Variants in ITGA8 observed in about 807,000 individuals in gnomAD.
The protein encoded by ITGA8 is integrin subunit alpha 8, also known as integrin alpha-8.
ITGA8 carries 91 observed loss-of-function variants against 142.3 expected under a neutral mutation model. The observed-to-expected ratio is 0.64, with a 90% CI of 0.54 to 0.76. The LOEUF (loss-of-function observed/expected upper bound fraction) is 0.76. Among genes scored for constraint, ITGA8 ranks in the 30% least tolerant of loss-of-function variants. ITGA8 has a pLI of 0.00. For synonymous variants in ITGA8, 505 were observed against 485.2 expected (o/e 1.04, Z -0.54); for missense variants, 1,406 against 1,327.7 (o/e 1.06, Z -0.92).
At chr10:15,602,205 CA>C (rs1299355409) in intron 20 of ITGA8, among the ~76,000 whole-genome samples, 1 of 152,170 alleles carries the variant, frequency 6.6e-6, no homozygotes, top group Non-Finnish European at 1.5e-5. Flanking sequence ...ATATTAAAAA[CA>C]AAACATACTC....
At chr10:15,627,243 T>C (rs564415014) in intron 13 of ITGA8, among the ~76,000 whole-genome samples, 2 of 152,334 alleles carry the variant, frequency 1.3e-5, no homozygotes, top group East Asian at 1.9e-4. Context: ...GATAAGATCC[T>C]TCTCTTTCAC....
intron 2 of ITGA8, among the ~76,000 whole-genome samples, chr10:15,700,590 T>C (rs570650026): frequency 3.3e-5 from 5 of 152,162 alleles, no homozygotes; most frequent in Non-Finnish European, 2.9e-5. Flanking sequence ...ACTGAAAAGC[T>C]TCTGCACAGC....
chr10:15,583,822 A>C (rs190477608), intron 23 of ITGA8, among the ~76,000 whole-genome samples: 1 of 152,282 alleles, frequency 6.6e-6, no homozygotes, highest in Admixed American at 6.5e-5. Flanking sequence ...AAAAAGGATG[A>C]ATTTTACTTT....
At chr10:15,611,791 CTT>C (rs779218120) in intron 15 of ITGA8, among the ~76,000 whole-genome samples, 2 of 126,778 alleles carry the variant, frequency 1.6e-5, no homozygotes, top group Non-Finnish European at 3.3e-5. Context: ...AAACAGAACT[CTT>C]AATCTGGTTA....
intron 13 of ITGA8, among the ~76,000 whole-genome samples, chr10:15,633,574 C>T (rs1271244626): frequency 6.6e-6 from 1 of 152,066 alleles, no homozygotes; most frequent in Non-Finnish European, 1.5e-5. Flanking sequence ...TGCGCACCTC[C>T]ACACCTGGCT....
rs1833962033 is a variant in ITGA8 at position 15,560,867 on chromosome 10, T to TATGATA, written c.2638-2671_2638-2666dup. The stretch of plus-strand genomic sequence containing the variant: ...GAAGTTTTGCTTATTTCTTTTTAGG[T>TATGATA]ATGATAATAATGTTGTAGATTTTAA... On this transcript the variant is annotated intron_variant, in intron 25 of 29. Coordinates refer to ENST00000378076, the MANE Select transcript of ITGA8 (RefSeq NM_003638.3). Among the ~76,000 whole-genome samples the TATGATA allele has an allele frequency of 3.3e-5, 5 of 152,168 alleles. No individual in the cohort carries two copies. The South Asian group carries it at 1.0e-3, about 32-fold the overall frequency.
intron 19 of ITGA8, 48 bp downstream of exon 19, chr10:15,605,676 C>T (rs1267906620): frequency 1.4e-6 from 2 of 1,432,812 alleles, no homozygotes; most frequent in Non-Finnish European, 2.0e-6. Flanking sequence ...ACATAAATAC[C>T]TGTAATTCCA....
At chr10:15,653,177 T>C (rs1176233186) in intron 11 of ITGA8, among the ~76,000 whole-genome samples, 1 of 152,082 alleles carries the variant, frequency 6.6e-6, no homozygotes, top group Non-Finnish European at 1.5e-5. Flanking sequence ...GAACACTCCT[T>C]CCTCCCTCCC....
chr10:15,524,101 G>T (rs2131534209), intron 28 of ITGA8, among the ~76,000 whole-genome samples: 1 of 152,330 alleles, frequency 6.6e-6, no homozygotes. Context: ...TCCCATGCCT[G>T]CTTTCTGCTT....
chr10:15,694,431 A>ATCAGATAATATATCATATG (rs1835007465), intron 2 of ITGA8, among the ~76,000 whole-genome samples: 1 of 137,388 alleles, frequency 7.3e-6, no homozygotes, highest in Admixed American at 7.7e-5. Context: ...TATATCATAT[A>ATCAGATAATATATCATATG]TATGATATAT....
chr10:15,563,462 G>A (rs1219362893), intron 25 of ITGA8, among the ~76,000 whole-genome samples: 1 of 152,066 alleles, frequency 6.6e-6, no homozygotes, highest in Non-Finnish European at 1.5e-5. Flanking sequence ...ATTTTTTATA[G>A]GTCATTGACA....
At chr10:15,533,511 G>T (rs1380403896) in intron 27 of ITGA8, among the ~76,000 whole-genome samples, 2 of 152,172 alleles carry the variant, frequency 1.3e-5, no homozygotes, top group Non-Finnish European at 2.9e-5. Flanking sequence ...AGAAACAAGA[G>T]AAACTCTAGT....
chr10:15,595,030 C>A (rs1052864662), intron 21 of ITGA8, among the ~76,000 whole-genome samples: 1 of 152,042 alleles, frequency 6.6e-6, no homozygotes, highest in African/African-American at 2.4e-5. Flanking sequence ...CTTATTGACC[C>A]CACCGTTTAA....
In ITGA8 at chr10:15,616,574, A is replaced by G. The variant is rs754013978; in HGVS notation, c.1400-15T>C. 21 of 1,608,690 alleles carry G rather than the reference A, an allele frequency of 1.3e-5. No homozygotes were observed. The South Asian group carries it at 2.2e-4, about 17-fold the overall frequency. ...CACAATCAAATCTTAAAAAGACAAA[A>G]ACACAGAACACATGCGTGAATCGTA... On this transcript the variant is annotated splice_polypyrimidine_tract_variant and intron_variant, in intron 13 of 29. Transcript: ENST00000378076.
chr10:15,593,054 C>T (rs1030654872), intron 21 of ITGA8, among the ~76,000 whole-genome samples: 2 of 152,206 alleles, frequency 1.3e-5, no homozygotes, highest in African/African-American at 4.8e-5. Context: ...TGCACGTCAG[C>T]TATGGTTTTT....
intron 25 of ITGA8, among the ~76,000 whole-genome samples, chr10:15,565,171 G>A (rs1297386286): frequency 6.6e-6 from 1 of 152,150 alleles, no homozygotes; most frequent in Non-Finnish European, 1.5e-5. Flanking sequence ...TCTTAAAAAG[G>A]CAAATACAAT....
intron 27 of ITGA8, among the ~76,000 whole-genome samples, chr10:15,539,467 A>T (rs1264965706): frequency 6.6e-6 from 1 of 152,062 alleles, no homozygotes; most frequent in Non-Finnish European, 1.5e-5. Flanking sequence ...TCCCCTTTGG[A>T]AGTGGACCAG....
intron 11 of ITGA8, among the ~76,000 whole-genome samples, chr10:15,651,264 GT>G (rs752158522): frequency 1.3e-5 from 2 of 152,066 alleles, no homozygotes; most frequent in Non-Finnish European, 2.9e-5. Flanking sequence ...TTGTTAACAG[GT>G]TTGTTCAGAA....
chr10:15,624,595 C>G (rs1264336952), intron 13 of ITGA8, among the ~76,000 whole-genome samples: 1 of 152,148 alleles, frequency 6.6e-6, no homozygotes, highest in Non-Finnish European at 1.5e-5. Context: ...TAACTCAGCT[C>G]TACAGACGCC....
Sources: gnomAD v4.1 joint callset for allele counts (sites outside exome capture counted in the v4.1 genomes callset) on GRCh38, gnomAD v4.1.1 for gene constraint, MANE v1.5 for transcripts, NCBI Gene and HGNC (gene_info 2026-07-23, HGNC 2026-07-21) for gene names.